TRPC4AP: variants seen among roughly 807,000 people sequenced by gnomAD.
TRPC4AP encodes short transient receptor potential channel 4-associated protein.
In TRPC4AP, 45 loss-of-function variants were observed where a neutral mutation model predicts 99.0. The ratio of observed to expected loss-of-function variants is 0.45; its 90% CI spans 0.36 to 0.58. TRPC4AP has a LOEUF of 0.58. TRPC4AP is among the 20% of genes least tolerant of loss of function. TRPC4AP has a pLI of 0.00. For synonymous variants in TRPC4AP, 408 were observed against 385.8 expected, an observed-to-expected ratio of 1.06 and a Z score of -0.67; for missense variants, 879 against 985.3, an observed-to-expected ratio of 0.89 and a Z score of 1.44.
intron 1 of TRPC4AP, among the ~76,000 whole-genome samples, chr20:35,080,545 A>C (rs2084610579): frequency 6.6e-6 from 1 of 150,482 alleles, no homozygotes; most frequent in South Asian, 2.1e-4. Context: ...AAAAAAAAAA[A>C]AAAAAAAAAA....
In TRPC4AP at chr20:35,070,054, A is replaced by G. The variant is rs528795520; in HGVS notation, c.298-642T>C. Among the ~76,000 whole-genome samples, 60 of 152,270 alleles carry G rather than the reference A, an allele frequency of 3.9e-4. 1 individual carries two copies. In the South Asian group the frequency reaches 0.012, roughly 30 times the overall value. Reference sequence around the variant, plus strand: ...CATAAGGAGAAGAAATGAGGCCAAGAGCAACATCCTTAGTTGATCTCCAGC... The same window carrying G: ...CATAAGGAGAAGAAATGAGGCCAAGGGCAACATCCTTAGTTGATCTCCAGC... On this transcript the variant is annotated intron_variant, in intron 2 of 18. Coordinates refer to ENST00000252015, the MANE Select transcript of TRPC4AP (RefSeq NM_015638.3).
intron 7 of TRPC4AP, among the ~76,000 whole-genome samples, chr20:35,035,590 A>C (rs1484782659): frequency 1.3e-5 from 2 of 152,264 alleles, no homozygotes; most frequent in African/African-American, 4.8e-5. Context: ...CCAAGAGGTC[A>C]ATTTCTGGGA....
intron 8 of TRPC4AP, among the ~76,000 whole-genome samples, chr20:35,027,348 A>T (rs1012667748): frequency 2.6e-5 from 4 of 152,228 alleles, no homozygotes; most frequent in Non-Finnish European, 4.4e-5. Flanking sequence ...AGTGTATTAC[A>T]TAAACTGATT....
chr20:35,044,413 A>G, intron 7 of TRPC4AP, 92 bp downstream of exon 7: 1 of 1,288,188 alleles, frequency 7.8e-7, no homozygotes, highest in Non-Finnish European at 1.1e-6. Context: ...AAAAAAAAAA[A>G]AAGAAAAGAA....
At chr20:35,038,859 G>C (rs1037809841) in intron 7 of TRPC4AP, among the ~76,000 whole-genome samples, 4 of 152,202 alleles carry the variant, frequency 2.6e-5, no homozygotes, top group Non-Finnish European at 5.9e-5. Context: ...GATCACCTGA[G>C]TTTGGGAGTT....
chr20:35,090,377 C>CTTTTTTTTTTTTTTTTTTTTTTTT (rs71196792), intron 1 of TRPC4AP, among the ~76,000 whole-genome samples: 1 of 88,992 alleles, frequency 1.1e-5, no homozygotes, highest in Admixed American at 1.7e-4. Flanking sequence ...ATCTGGTGAG[C>CTTTTTTTTTTTTTTTTTTTTTTTT]TTTTTTTTTT....
At position 35,008,651 on chromosome 20, in the gene TRPC4AP, TC is replaced by T. The variant is rs1381265140; in HGVS notation, c.1595+12del. On this transcript the variant is annotated intron_variant, in intron 13 of 18. Coordinates refer to ENST00000252015, the MANE Select transcript of TRPC4AP (RefSeq NM_015638.3). ...GCCCCGCAGAATCGGCAGGTACTTT[TC>T]CCCAGACTCACCTGAAAGACGACTC... is the stretch of plus-strand genomic sequence containing the variant. 6.2e-7 allele frequency: 1 copy of T among 1,612,112 alleles called. No homozygotes were observed. The highest frequency in any genetic ancestry group is 8.5e-7 in the Non-Finnish European group (1 of 1,179,078).
At position 35,069,840 on chromosome 20, in the gene TRPC4AP, T is replaced by A. The variant is rs866252028; in HGVS notation, c.298-428A>T. ...CCTGTAATCCCAGCTACTCAGGAAT[T>A]TGAAGTACAAGAAGCACTTGAGCCA... On this transcript the variant is annotated intron_variant, in intron 2 of 18. Coordinates refer to ENST00000252015, the MANE Select transcript of TRPC4AP (RefSeq NM_015638.3). Among the ~76,000 whole-genome samples the A allele has an allele frequency of 5.2e-4, 79 of 152,146 alleles. 1 individual carries two copies. Among genetic ancestry groups the A allele is most frequent in the African/African-American group, 1.9e-3 (77 of 41,508 alleles).
At chr20:35,062,146 T>A (rs1464833415) in intron 3 of TRPC4AP, among the ~76,000 whole-genome samples, 1 of 152,064 alleles carries the variant, frequency 6.6e-6, no homozygotes, top group Non-Finnish European at 1.5e-5. Context: ...AAAAGACAAA[T>A]AGTAACTATT....
chr20:35,031,394 T>TC, intron 8 of TRPC4AP, among the ~76,000 whole-genome samples: 1 of 90,330 alleles, frequency 1.1e-5, no homozygotes, highest in East Asian at 3.6e-4. Context: ...GGTTAACTTT[T>TC]TTTTTTTTTT....
intron 1 of TRPC4AP, among the ~76,000 whole-genome samples, chr20:35,084,460 GTGTATATA>G (rs1165771528): frequency 2.1e-5 from 3 of 145,372 alleles, no homozygotes; most frequent in South Asian, 4.3e-4. Flanking sequence ...GTATATATGT[GTGTATATA>G]TGTATATATG....
chr20:35,074,092 T>C lies in TRPC4AP; in HGVS notation c.297+3954A>G, dbSNP rs148571535. 7.7e-3 allele frequency among the ~76,000 whole-genome samples: 1,166 copies of C among 152,346 alleles called. 13 individuals carry two copies. The highest frequency in any genetic ancestry group is 0.024 in the African/African-American group (1,000 of 41,588). On this transcript the variant is annotated intron_variant, in intron 2 of 18. Transcript: ENST00000252015. The stretch of plus-strand genomic sequence containing the variant: ...GTTTATAGTATTCTCTGATGGTAGT[T>C]TGTATTTCTGTGGGATTGGTGGTAA...
chr20:35,073,527 T>C (rs543224506), intron 2 of TRPC4AP, among the ~76,000 whole-genome samples: 2 of 151,600 alleles, frequency 1.3e-5, no homozygotes, highest in South Asian at 4.2e-4. Context: ...CTGCACCTAT[T>C]ATCATGTGGT....
In TRPC4AP at chr20:35,021,277, C is replaced by G. The variant is rs1217167978; in HGVS notation, c.1131G>C (p.Gln377His). 1 of 1,614,190 alleles carries G rather than the reference C, an allele frequency of 6.2e-7. No homozygotes were observed. The highest frequency in any genetic ancestry group is 1.1e-5 in the South Asian group (1 of 91,084). The part of the protein sequence containing the change: ...PHTSARTQLP[Q>H]SMKIMHEIMY... ...TGATCTCATGCATAATCTTCATTGA[C>G]TGGGGCAGCTGGGTTCTGGCTGACG... The change falls in exon 9 of 19, where the codon CAG becomes CAC. Residue 377 changes from glutamine (Q) to histidine (H), a missense_variant. Around this residue, in one of 3 missense-constraint regions of TRPC4AP, gnomAD observed 603 missense variants for 631.8 expected, o/e 0.95. Transcript: ENST00000252015.
At chr20:35,010,869 T>A (rs534215279) in intron 11 of TRPC4AP, among the ~76,000 whole-genome samples, 13 of 152,340 alleles carry the variant, frequency 8.5e-5, no homozygotes, top group Admixed American at 4.6e-4. Context: ...GTGAAAACAC[T>A]TCCACAGCTT....
At chr20:35,029,620 G>A (rs939059872) in intron 8 of TRPC4AP, among the ~76,000 whole-genome samples, 72 of 115,778 alleles carry the variant, frequency 6.2e-4, no homozygotes, top group African/African-American at 2.3e-3. Flanking sequence ...TATTTCCCAA[G>A]TTACTTTCTT....
At chr20:35,005,560 G>A (rs575183227) in intron 16 of TRPC4AP, 135 bp downstream of exon 16, 24 of 717,256 alleles carry the variant, frequency 3.3e-5, no homozygotes, top group Admixed American at 1.6e-4. Flanking sequence ...CCTGGAAGCC[G>A]CCACCTTGAG....
At chr20:35,087,951 T>C (rs2084933095) in intron 1 of TRPC4AP, among the ~76,000 whole-genome samples, 1 of 152,198 alleles carries the variant, frequency 6.6e-6, no homozygotes, top group East Asian at 1.9e-4. Flanking sequence ...GGAGAGGATT[T>C]TGGCTTTCGA....
At chr20:35,089,539 T>C (rs958903918) in intron 1 of TRPC4AP, among the ~76,000 whole-genome samples, 1 of 94,196 alleles carries the variant, frequency 1.1e-5, no homozygotes, top group African/African-American at 3.0e-5. Flanking sequence ...GCCTATATTA[T>C]ATATTTGTTT....
Sources: allele counts gnomAD v4.1 joint callset (sites outside exome capture counted in the v4.1 genomes callset), GRCh38; gene constraint gnomAD v4.1.1; regional missense constraint gnomAD v4.1.1; transcripts MANE v1.5; gene names NCBI Gene and HGNC (gene_info 2026-07-23, HGNC 2026-07-21).